The following WNT7A variants were observed in gnomAD, a reference collection of about 807,000 sequenced individuals.
WNT7A encodes protein Wnt-7a.
A neutral mutation model predicts 28.2 loss-of-function variants in WNT7A; 16 were observed. That is an observed-to-expected ratio of 0.57 (90% CI 0.38 to 0.86). The LOEUF (loss-of-function observed/expected upper bound fraction) is 0.86, where lower values mean the gene tolerates loss of function less well. WNT7A is among the 40% of genes least tolerant of loss of function. The pLI is 0.00. For missense variants in WNT7A, 411 were observed against 489.7 expected (o/e 0.84, Z 1.52); for synonymous variants, 190 against 195.9 (o/e 0.97, Z 0.25).
chr3:13,875,695 T>A (rs1198174049), intron 1 of WNT7A, among the ~76,000 whole-genome samples: 1 of 152,168 alleles, frequency 6.6e-6, no homozygotes, highest in African/African-American at 2.4e-5. Context: ...TATACTCTCA[T>A]GTATGTATAT....
At chr3:13,845,306 G>C (rs1385897146) in intron 3 of WNT7A, among the ~76,000 whole-genome samples, 3 of 152,222 alleles carry the variant, frequency 2.0e-5, no homozygotes, top group East Asian at 1.9e-4. Flanking sequence ...CACTCTAAGA[G>C]AGTGATGTCC....
Position 13,827,875 on chromosome 3 carries a change from G to A in WNT7A, c.571-8452C>T, listed in dbSNP as rs183869346. Among the ~76,000 whole-genome samples, 415 of 152,178 alleles carry A rather than the reference G, an allele frequency of 2.7e-3. 2 individuals are homozygous for A. Among genetic ancestry groups the A allele is most frequent in the African/African-American group, 9.5e-3 (396 of 41,524 alleles). On this transcript the variant is annotated intron_variant, in intron 3 of 3. Coordinates refer to ENST00000285018, the MANE Select transcript of WNT7A (RefSeq NM_004625.4). ...CTGGGCGCTCCAGGATCGATCCTGC[G>A]CTGCCCTACTCCAGGAATGTGCCCC...
In WNT7A at chr3:13,819,073, C is replaced by T; in HGVS notation, c.921G>A (p.Met307Ile). 1 of 1,614,124 alleles carries T rather than the reference C, an allele frequency of 6.2e-7. No homozygotes were observed. The highest frequency in any genetic ancestry group is 8.5e-7 in the Non-Finnish European group (1 of 1,179,984). The change falls in exon 4 of 4, where the codon ATG (methionine) becomes ATA (isoleucine). Residue 307 changes from methionine to isoleucine, a missense_variant. Transcript: ENST00000285018. Reference protein sequence around the residue: ...TAPQASGCDLMCCGRGYNTHQ... With the variant: ...TAPQASGCDLICCGRGYNTHQ... ...GGGTGTTGTAGCCACGCCCACAGCA[C>T]ATGAGGTCACAGCCGCTGGCCTGGG...
chr3:13,864,305 C>A (rs1575072378), intron 2 of WNT7A, among the ~76,000 whole-genome samples: 1 of 152,288 alleles, frequency 6.6e-6, no homozygotes, highest in East Asian at 1.9e-4. Flanking sequence ...CAAAACCCTG[C>A]AGGATGCCTG....
rs1694704519 is a variant in WNT7A, at chr3:13,854,821, G to A, written c.299-18C>T. The A allele has an allele frequency of 6.2e-7, 1 of 1,610,826 alleles. No homozygotes were observed. The highest frequency in any genetic ancestry group is 8.5e-7 in the Non-Finnish European group (1 of 1,180,014). On this transcript the variant is annotated intron_variant, in intron 2 of 3. Transcript: ENST00000285018. ...CCGGCTCCCTGCGAGGAGGAGAGAA[G>A]AGGAGACAAGTTGGGGTCAGGTCCC...
intron 2 of WNT7A, among the ~76,000 whole-genome samples, chr3:13,855,662 G>A (rs1694717168): frequency 6.6e-6 from 1 of 152,144 alleles, no homozygotes; most frequent in Non-Finnish European, 1.5e-5. Flanking sequence ...TTGGGCCTCA[G>A]TCTCCTCACC....
chr3:13,827,683 C>A (rs561783052), intron 3 of WNT7A, among the ~76,000 whole-genome samples: 13 of 152,270 alleles, frequency 8.5e-5, no homozygotes, highest in African/African-American at 2.9e-4. Context: ...CAACCTCTGG[C>A]TCCCACAGGG....
intron 3 of WNT7A, among the ~76,000 whole-genome samples, chr3:13,847,196 C>G (rs563852065): frequency 3.3e-5 from 5 of 152,346 alleles, no homozygotes; most frequent in African/African-American, 1.2e-4. Flanking sequence ...CCAACCCATC[C>G]TTGGTAGCTT....
At chr3:13,873,508 G>T (rs1321907758) in intron 2 of WNT7A, among the ~76,000 whole-genome samples, 1 of 152,126 alleles carries the variant, frequency 6.6e-6, no homozygotes, top group Admixed American at 6.5e-5. Flanking sequence ...TCTGTAAGGT[G>T]CAAATAAGAA....
Position 13,858,888 on chromosome 3 carries a change from T to C in WNT7A, c.299-4085A>G, listed in dbSNP as rs74997459. Among the ~76,000 whole-genome samples the C allele has an allele frequency of 5.9e-3, 892 of 152,236 alleles. 14 individuals carry two copies. Among genetic ancestry groups the C allele is most frequent in the African/African-American group, 0.02 (819 of 41,538 alleles). On this transcript the variant is annotated intron_variant, in intron 2 of 3. Coordinates refer to ENST00000285018, the MANE Select transcript of WNT7A (RefSeq NM_004625.4). ...ATCCAATCCCACTCCACCCCCACAC[T>C]ACCATGGAGGAAACTACCCTGGGCA...
chr3:13,821,374 C>A (rs534964195), intron 3 of WNT7A, among the ~76,000 whole-genome samples: 69 of 152,340 alleles, frequency 4.5e-4, no homozygotes, highest in Non-Finnish European at 8.5e-4. Context: ...CCAGTATCTA[C>A]TAAGGCTGAG....
chr3:13,856,917 GA>G (rs1392895501), intron 2 of WNT7A, among the ~76,000 whole-genome samples: 1 of 98,870 alleles, frequency 1.0e-5, no homozygotes, highest in East Asian at 5.4e-4. Flanking sequence ...AGAAGAAGAA[GA>G]AGAAGAAGAA....
intron 2 of WNT7A, among the ~76,000 whole-genome samples, chr3:13,859,105 T>A (rs1470639068): frequency 6.6e-6 from 1 of 152,108 alleles, no homozygotes; most frequent in African/African-American, 2.4e-5. Context: ...AGCCGTTGCG[T>A]TGTAGTTTTG....
At chr3:13,823,434 T>A (rs543276513) in intron 3 of WNT7A, among the ~76,000 whole-genome samples, 7 of 152,312 alleles carry the variant, frequency 4.6e-5, no homozygotes, top group African/African-American at 1.7e-4. Flanking sequence ...ACAAGCAGTA[T>A]GCCCCAGGCC....
At chr3:13,862,430 T>C (rs1694845374) in intron 2 of WNT7A, among the ~76,000 whole-genome samples, 1 of 152,242 alleles carries the variant, frequency 6.6e-6, no homozygotes, top group Admixed American at 6.5e-5. Flanking sequence ...AAGTGCATTG[T>C]ATTTTTTTTT....
intron 3 of WNT7A, among the ~76,000 whole-genome samples, chr3:13,821,253 C>T (rs1203346756): frequency 3.9e-5 from 6 of 152,166 alleles, no homozygotes; most frequent in Non-Finnish European, 2.9e-5. Context: ...GGGGGATGCT[C>T]AAAATGGATT....
intron 3 of WNT7A, among the ~76,000 whole-genome samples, chr3:13,822,594 G>A (rs1364544280): frequency 1.3e-5 from 2 of 152,206 alleles, no homozygotes; most frequent in Non-Finnish European, 2.9e-5. Context: ...ATGGGTACGG[G>A]TTTCTTTCTG....
At chr3:13,855,699 T>C (rs953527523) in intron 2 of WNT7A, among the ~76,000 whole-genome samples, 5 of 152,156 alleles carry the variant, frequency 3.3e-5, no homozygotes, top group Non-Finnish European at 5.9e-5. Flanking sequence ...GGGCTACGTC[T>C]GCTTTACAGG....
chr3:13,869,493 G>A (rs529280524), intron 2 of WNT7A, among the ~76,000 whole-genome samples: 12 of 147,098 alleles, frequency 8.2e-5, no homozygotes, highest in African/African-American at 2.5e-4. Context: ...AGGGGAGGGA[G>A]GGAAAGAGAG....
Sources: gnomAD v4.1 joint callset for allele counts (sites outside exome capture counted in the v4.1 genomes callset) on GRCh38, gnomAD v4.1.1 for gene constraint, MANE v1.5 for transcripts, NCBI Gene and HGNC (gene_info 2026-07-23, HGNC 2026-07-21) for gene names.